The following SEC61A2 variants were observed in gnomAD, a reference collection of about 807,000 sequenced individuals.
SEC61A2 encodes the protein SEC61 translocon subunit alpha 2.
Under a neutral mutation model 59.9 loss-of-function variants are expected in SEC61A2, and 28 were observed. That is an observed-to-expected ratio of 0.47 (90% CI 0.35 to 0.64). The LOEUF (loss-of-function observed/expected upper bound fraction) is 0.64. Ranked by LOEUF, SEC61A2 falls within the 30% of genes least tolerant of loss-of-function variation. SEC61A2 has a pLI of 0.01. For synonymous variants in SEC61A2, 202 were observed against 214.4 expected (o/e 0.94, Z 0.50); for missense variants, 340 against 585.9 (o/e 0.58, Z 4.33).
Position 12,157,077 on chromosome 10 carries a change from AC to A in SEC61A2, c.777+12del. The A allele has an allele frequency of 1.9e-6, 3 of 1,609,138 alleles. No homozygotes were observed. The South Asian group carries it at 3.3e-5, about 18-fold the overall frequency. ...TGTTATATATTTCCAAGTAAGTATA[AC>A]CTTTTCACCAAAGTAAGTGGGATGT... On this transcript the variant is annotated intron_variant, in intron 8 of 11. Transcript: ENST00000298428.
rs974891076 is a variant in SEC61A2 at position 12,161,799 on chromosome 10, T to G, written c.1168-414T>G. Among the ~76,000 whole-genome samples, 3 of 152,186 alleles carry G rather than the reference T, an allele frequency of 2.0e-5. No homozygotes were observed. Among genetic ancestry groups the G allele is most frequent in the Non-Finnish European group, 4.4e-5 (3 of 68,046 alleles). ...TTTAAAAAAGTAAAATAAAACTTTG[T>G]TTTTGGAAAATTCATATTTAATTGT... On this transcript the variant is annotated intron_variant, in intron 10 of 11. Coordinates refer to ENST00000298428, the MANE Select transcript of SEC61A2 (RefSeq NM_018144.4). This position sits in a 1 kb window ranked among gnomAD's most constrained non-coding sequence, Gnocchi z 5.4.
rs184019980 is a variant in SEC61A2 at position 12,131,189 on chromosome 10, T to C, written c.7+1395T>C. Among the ~76,000 whole-genome samples, 73 of 152,222 alleles carry C rather than the reference T, an allele frequency of 4.8e-4. No homozygotes were observed. The East Asian group carries it at 0.013, about 26-fold the overall frequency. On this transcript the variant is annotated intron_variant, in intron 1 of 11. Transcript: ENST00000298428. ...CTCCGTCTCGAAATAAACAAACATA[T>C]ATCGGTGACTGCCCATCATTTGTAG...
chr10:12,164,501 A>G lies in SEC61A2; in HGVS notation c.*47A>G. On this transcript the variant is annotated 3_prime_UTR_variant, in exon 12 of 12. Transcript: ENST00000298428. This position sits in a 1 kb window ranked among gnomAD's most constrained non-coding sequence, Gnocchi z 7.3. Reference sequence around the variant, plus strand: ...TGCGTGTGAAAGGGAAAACACTTTGACGGATCGTTTTTGTCAGATGACACT... The same window carrying G: ...TGCGTGTGAAAGGGAAAACACTTTGGCGGATCGTTTTTGTCAGATGACACT... The G allele has an allele frequency of 1.3e-6, 2 of 1,580,662 alleles. No individual in the cohort carries two copies. Among genetic ancestry groups the G allele is most frequent in the Non-Finnish European group, 1.7e-6 (2 of 1,162,762 alleles).
Position 12,164,436 on chromosome 10 carries a change from G to A in SEC61A2, c.1413G>A (p.Met471Ile). The A allele has an allele frequency of 6.2e-7, 1 of 1,611,864 alleles. No homozygotes were observed. Among genetic ancestry groups the A allele is most frequent in the Non-Finnish European group, 8.5e-7 (1 of 1,179,092 alleles). Reference protein sequence around the residue: ...FVKEQAEVGGMGALFF With the variant: ...FVKEQAEVGGIGALFF ...AAGAACAGGCCGAAGTTGGTGGGAT[G>A]GGTGCTTTGTTTTTCTAAATGTTCA... Residue 471 changes from methionine to isoleucine, a missense_variant, in exon 12 of 12, where the codon ATG becomes ATA. Physicochemically the swap from Met to Ile is conservative, Grantham distance 10. Around this residue, in one of 3 missense-constraint regions of SEC61A2, gnomAD observed 283 missense variants for 483.2 expected, o/e 0.59. Transcript: ENST00000298428. The surrounding 1 kb of genome is among the most constrained non-coding windows in gnomAD (Gnocchi z 7.3).
Position 12,152,859 on chromosome 10 carries a change from G to A in SEC61A2, c.462+2898G>A, listed in dbSNP as rs749245067. ...TTGCACCACTGCACTCCAGCCTGGC[G>A]ACAGAGCGGGACTCCGTCTCAAAAA... On this transcript the variant is annotated intron_variant, in intron 6 of 11. Coordinates refer to ENST00000298428, the MANE Select transcript of SEC61A2 (RefSeq NM_018144.4). The surrounding 1 kb of genome is among the most constrained non-coding windows in gnomAD (Gnocchi z 5.5). 6.6e-6 allele frequency among the ~76,000 whole-genome samples: 1 copy of A among 151,888 alleles called. No homozygotes were observed. Among genetic ancestry groups the A allele is most frequent in the Non-Finnish European group, 1.5e-5 (1 of 67,980 alleles).
In SEC61A2 at chr10:12,164,537, C is replaced by A; in HGVS notation, c.*83C>A. Reference sequence around the variant, plus strand: ...TTGTCAGATGACACTGGTGGCTCCCCTTTTCTCCCCTCACAGTTTCTTGTT... The same window carrying A: ...TTGTCAGATGACACTGGTGGCTCCCATTTTCTCCCCTCACAGTTTCTTGTT... On this transcript the variant is annotated 3_prime_UTR_variant, in exon 12 of 12. Transcript: ENST00000298428. The surrounding 1 kb of genome is among the most constrained non-coding windows in gnomAD (Gnocchi z 7.3). 6.5e-7 allele frequency: 1 copy of A among 1,528,428 alleles called. No individual in the cohort carries two copies. Among genetic ancestry groups the A allele is most frequent in the Admixed American group, 2.1e-5 (1 of 47,064 alleles). The allele number at this position is 1,528,428 out of a possible 1,614,324, so 94.7% of individuals were successfully genotyped here.
downstream of SEC61A2, chr10:12,166,663 A>C (rs2131690705): frequency 2.1e-6 from 1 of 483,346 alleles, no homozygotes. Context: ...AACATGACTT[A>C]GGGCTGGATG....
Position 12,143,275 on chromosome 10 carries a change from T to A in SEC61A2, c.220+80T>A. Reference sequence around the variant, plus strand: ...ATGTGGATTAGCAATGAGTTTTCAATGTCTACAGGGAGGGGGAGGATATCA... The same window carrying A: ...ATGTGGATTAGCAATGAGTTTTCAAAGTCTACAGGGAGGGGGAGGATATCA... On this transcript the variant is annotated intron_variant, in intron 4 of 11. Coordinates refer to ENST00000298428, the MANE Select transcript of SEC61A2 (RefSeq NM_018144.4). The surrounding 1 kb of genome is among the most constrained non-coding windows in gnomAD (Gnocchi z 4.8). 9.9e-7 allele frequency: 1 copy of A among 1,006,154 alleles called. No individual in the cohort carries two copies. The highest frequency in any genetic ancestry group is 1.6e-6 in the Non-Finnish European group (1 of 628,678). 62.3% of individuals were successfully genotyped at this position (1,006,154 alleles called of 1,614,324 possible).
At chr10:12,163,234 T>C (rs1025114337) in intron 11 of SEC61A2, among the ~76,000 whole-genome samples, 2 of 151,578 alleles carry the variant, frequency 1.3e-5, no homozygotes, top group South Asian at 2.1e-4. Flanking sequence ...CCGCAGCCTC[T>C]TGGGCTCAAG....
chr10:12,150,779 T>TC (rs1834252510), intron 6 of SEC61A2, among the ~76,000 whole-genome samples: 1 of 150,150 alleles, frequency 6.7e-6, no homozygotes, highest in African/African-American at 2.5e-5. Context: ...TAAGTATCTT[T>TC]TTTTTTTTTT....
In SEC61A2 at chr10:12,153,155, G is replaced by C. The variant is rs531925150; in HGVS notation, c.463-2623G>C. 1.3e-5 allele frequency among the ~76,000 whole-genome samples: 2 copies of C among 152,156 alleles called. No homozygotes were observed. Among genetic ancestry groups the C allele is most frequent in the Non-Finnish European group, 2.9e-5 (2 of 68,028 alleles). Reference sequence around the variant, plus strand: ...TTACAGCCCTTGGGAATTAGGGAAAGAGGCGCATTGGATGGGGAGAGATGA... The same window carrying C: ...TTACAGCCCTTGGGAATTAGGGAAACAGGCGCATTGGATGGGGAGAGATGA... On this transcript the variant is annotated intron_variant, in intron 6 of 11. Transcript: ENST00000298428. The surrounding 1 kb of genome is among the most constrained non-coding windows in gnomAD (Gnocchi z 5.2).
chr10:12,130,310 T>C (rs1833702734), intron 1 of SEC61A2, among the ~76,000 whole-genome samples: 1 of 152,178 alleles, frequency 6.6e-6, no homozygotes, highest in African/African-American at 2.4e-5. Context: ...CTGTAAGGTT[T>C]TATAAGCCTT....
rs900136371 is a variant in SEC61A2 at position 12,148,633 on chromosome 10, C to G, written c.221-962C>G. Among the ~76,000 whole-genome samples, 6 of 150,732 alleles carry G rather than the reference C, an allele frequency of 4.0e-5. 1 individual carries two copies. The highest frequency in any genetic ancestry group is 1.2e-4 in the African/African-American group (5 of 41,038). ...TGGTTCACTGCAACCTCCAACTCCT[C>G]GGTTCAAGGGATTCTCCTGCCTCAG... On this transcript the variant is annotated intron_variant, in intron 4 of 11. Transcript: ENST00000298428.
At chr10:12,148,799 C>T (rs1588638380) in intron 4 of SEC61A2, among the ~76,000 whole-genome samples, 1 of 152,212 alleles carries the variant, frequency 6.6e-6, no homozygotes, top group Non-Finnish European at 1.5e-5. Context: ...GCTGGGATTA[C>T]AGGCGTGAGC....
intron 4 of SEC61A2, among the ~76,000 whole-genome samples, chr10:12,147,151 A>G (rs1209467860): frequency 3.3e-5 from 5 of 152,116 alleles, no homozygotes; most frequent in African/African-American, 1.2e-4. Flanking sequence ...TCAGCTTCCT[A>G]AAGTGTTGGG....
At chr10:12,148,288 C>G (rs1379631118) in intron 4 of SEC61A2, among the ~76,000 whole-genome samples, 1 of 139,988 alleles carries the variant, frequency 7.1e-6, no homozygotes, top group Non-Finnish European at 1.5e-5. Flanking sequence ...TCTTGTTGCC[C>G]AGGCTGGAGT....
Position 12,162,336 on chromosome 10 carries a change from A to G in SEC61A2, c.1244+47A>G. On this transcript the variant is annotated intron_variant, in intron 11 of 11. Coordinates refer to ENST00000298428, the MANE Select transcript of SEC61A2 (RefSeq NM_018144.4). This position sits in a 1 kb window ranked among gnomAD's most constrained non-coding sequence, Gnocchi z 6.1. ...CTTTATAGGCCTGTGTTTGTGTTTC[A>G]GTCTTTCAGTGTTGGCTAAATGTTT... The G allele has an allele frequency of 1.4e-6, 2 of 1,431,578 alleles. No individual in the cohort carries two copies. The highest frequency in any genetic ancestry group is 2.0e-6 in the Non-Finnish European group (2 of 1,014,118). 88.7% of individuals were successfully genotyped at this position (1,431,578 alleles called of 1,614,324 possible). A position where few individuals can be genotyped will look rare whatever the true frequency, so the allele number is the denominator to read the frequency against.
Position 12,149,781 on chromosome 10 carries a change from A to G in SEC61A2, c.352+55A>G, listed in dbSNP as rs748315464. 388 of 1,606,498 alleles carry G rather than the reference A, an allele frequency of 2.4e-4. No homozygotes were observed. Among genetic ancestry groups the G allele is most frequent in the Non-Finnish European group, 3.1e-4 (369 of 1,175,958 alleles). On this transcript the variant is annotated intron_variant, in intron 5 of 11. Transcript: ENST00000298428. The surrounding 1 kb of genome is among the most constrained non-coding windows in gnomAD (Gnocchi z 5.2). ...TCCAAATTTGAGAGTGCTCGTGGTA[A>G]AGATGTTTTCTCTAGTCTTTTCTTG...
rs370391414 is a variant in SEC61A2 at position 12,155,959 on chromosome 10, C to T, written c.616+28C>T. On this transcript the variant is annotated intron_variant, in intron 7 of 11. Transcript: ENST00000298428. This position sits in a 1 kb window ranked among gnomAD's most constrained non-coding sequence, Gnocchi z 4.3. ...ACATCGCACAGCGACTGCAACTGCA[C>T]GCGTTTTGCTGGATGTGTGCTGGGA... The T allele has an allele frequency of 1.1e-5, 17 of 1,613,152 alleles. No homozygotes were observed. The Admixed American group carries it at 2.2e-4, about 21-fold the overall frequency.
Sources: allele counts gnomAD v4.1 joint callset (sites outside exome capture counted in the v4.1 genomes callset), GRCh38; gene constraint gnomAD v4.1.1; regional missense constraint gnomAD v4.1.1; non-coding constraint Gnocchi (gnomAD v3.1); transcripts MANE v1.5; gene names NCBI Gene and HGNC (gene_info 2026-07-23, HGNC 2026-07-21).